Variants in RAB4A observed in about 807,000 individuals in gnomAD.
RAB4A encodes RAB4A, member RAS oncogene family.
Under a neutral mutation model 34.5 loss-of-function variants are expected in RAB4A, and 20 were observed. That is an observed-to-expected ratio of 0.58 (90% CI 0.41 to 0.84). RAB4A has a LOEUF of 0.84. RAB4A is among the 40% of genes least tolerant of loss of function. RAB4A has a pLI of 0.00. For missense variants in RAB4A, 228 were observed against 274.5 expected (o/e 0.83, Z 1.20); for synonymous variants, 102 against 100.0 (o/e 1.02, Z -0.12).
chr1:229,293,586 G>A (rs183580002), intron 3 of RAB4A, among the ~76,000 whole-genome samples: 1 of 152,346 alleles, frequency 6.6e-6, no homozygotes, highest in East Asian at 1.9e-4. Context: ...TGTCTAGCTA[G>A]CAGTGGTCCA....
chr1:229,282,750 T>G (rs904737275), intron 1 of RAB4A, among the ~76,000 whole-genome samples: 1 of 152,244 alleles, frequency 6.6e-6, no homozygotes, highest in East Asian at 1.9e-4. Context: ...GGTAGTTTTA[T>G]TTTTCAGTTT....
At chr1:229,293,887 G>A (rs10916461) in intron 3 of RAB4A, among the ~76,000 whole-genome samples, 29,126 of 152,066 alleles carry the variant, frequency 0.19, 2,804 homozygotes, top group African/African-American at 0.21. Flanking sequence ...AGAGAATGGG[G>A]CCAAAGGGAC....
Position 229,274,556 on chromosome 1 carries a change from C to A in RAB4A, c.31+3186C>A, listed in dbSNP as rs557501397. On this transcript the variant is annotated intron_variant, in intron 1 of 7. Coordinates refer to ENST00000366690, the MANE Select transcript of RAB4A (RefSeq NM_004578.4). The stretch of plus-strand genomic sequence containing the variant: ...TTGAAATCTTAGGTTTTGGATGAAA[C>A]CCTTAGTCTGAATATGAAACAGTTC... Among the ~76,000 whole-genome samples, 3 of 152,204 alleles carry A rather than the reference C, an allele frequency of 2.0e-5. No individual in the cohort carries two copies. In the South Asian group the frequency reaches 6.2e-4, roughly 32 times the overall value.
At chr1:229,292,869 C>T (rs997149463) in intron 3 of RAB4A, among the ~76,000 whole-genome samples, 3 of 152,162 alleles carry the variant, frequency 2.0e-5, no homozygotes, top group South Asian at 2.1e-4. Context: ...TCCAACACTT[C>T]AATTCACTTT....
At chr1:229,286,463 C>T in intron 1 of RAB4A, 23 bp from the exon 2 acceptor site, 1 of 1,425,920 alleles carries the variant, frequency 7.0e-7, no homozygotes, top group Non-Finnish European at 9.7e-7. Context: ...AAGTTATTTT[C>T]ACAGTCTCTT....
chr1:229,274,285 G>A (rs1288602105), intron 1 of RAB4A, among the ~76,000 whole-genome samples: 2 of 149,984 alleles, frequency 1.3e-5, no homozygotes, highest in Non-Finnish European at 3.0e-5. Context: ...GTCTCATCCC[G>A]AACTCCTGGG....
chr1:229,293,427 T>C (rs1657147664), intron 3 of RAB4A, among the ~76,000 whole-genome samples: 1 of 152,258 alleles, frequency 6.6e-6, no homozygotes, highest in African/African-American at 2.4e-5. Context: ...TCTAGCCTGC[T>C]ACTCTTCCCA....
intron 1 of RAB4A, among the ~76,000 whole-genome samples, chr1:229,277,401 C>G (rs1656678880): frequency 6.6e-6 from 1 of 151,232 alleles, no homozygotes. Flanking sequence ...TCCCGCTCCT[C>G]TACAGGTCGT....
chr1:229,285,582 G>A (rs989971181), intron 1 of RAB4A, among the ~76,000 whole-genome samples: 2 of 152,132 alleles, frequency 1.3e-5, no homozygotes, highest in African/African-American at 4.8e-5. Flanking sequence ...ACAGAGCAGA[G>A]CCTTTGAGGC....
intron 1 of RAB4A, among the ~76,000 whole-genome samples, chr1:229,276,623 ATAAAGT>A (rs149036133): frequency 0.02 from 3,079 of 151,518 alleles, 70 homozygotes; most frequent in Middle Eastern, 0.034. Flanking sequence ...TGCCTAGAAG[ATAAAGT>A]TAGAGTCCAT....
At chr1:229,297,326 A>G (rs1657276426) in intron 4 of RAB4A, among the ~76,000 whole-genome samples, 156 bp from the exon 5 acceptor site, 1 of 152,256 alleles carries the variant, frequency 6.6e-6, no homozygotes, top group Non-Finnish European at 1.5e-5. Flanking sequence ...TGGGTATGGT[A>G]TATACTTGGT....
At chr1:229,291,041 A>G (rs1348517338) in intron 3 of RAB4A, among the ~76,000 whole-genome samples, 1 of 152,202 alleles carries the variant, frequency 6.6e-6, no homozygotes, top group Non-Finnish European at 1.5e-5. Context: ...AAAGGTTCCA[A>G]GAGGGAAAAA....
intron 3 of RAB4A, among the ~76,000 whole-genome samples, chr1:229,294,250 G>A (rs1027457987): frequency 2.6e-5 from 4 of 152,194 alleles, no homozygotes; most frequent in African/African-American, 7.2e-5. Context: ...CTGAGCTGGA[G>A]ACAAAATTTG....
intron 1 of RAB4A, among the ~76,000 whole-genome samples, chr1:229,277,179 A>G (rs1656673830): frequency 6.6e-6 from 1 of 150,678 alleles, no homozygotes; most frequent in South Asian, 2.1e-4. Context: ...GTGTGATCCC[A>G]ACGAATGGGT....
intron 1 of RAB4A, among the ~76,000 whole-genome samples, chr1:229,275,298 A>G (rs762197876): frequency 6.6e-6 from 1 of 152,162 alleles, no homozygotes; most frequent in Non-Finnish European, 1.5e-5. Flanking sequence ...GGATGCATCT[A>G]CCAGCCAAGG....
intron 5 of RAB4A, among the ~76,000 whole-genome samples, chr1:229,298,561 A>G (rs922374968): frequency 1.1e-4 from 17 of 152,242 alleles, no homozygotes; most frequent in African/African-American, 2.2e-4. Context: ...ACAGATTGCA[A>G]TATAGTCCCC....
At chr1:229,281,365 T>C (rs1035295413) in intron 1 of RAB4A, among the ~76,000 whole-genome samples, 5 of 152,296 alleles carry the variant, frequency 3.3e-5, no homozygotes, top group Admixed American at 6.5e-5. Flanking sequence ...TTTACCCTTA[T>C]GTATTAATAG....
At chr1:229,299,855 C>T (rs754439004) in intron 6 of RAB4A, among the ~76,000 whole-genome samples, 1 of 151,960 alleles carries the variant, frequency 6.6e-6, no homozygotes, top group South Asian at 2.1e-4. Flanking sequence ...CTCAGGGTAA[C>T]GTGAAGAAGG....
rs1288652450 is a variant in RAB4A, at chr1:229,305,551, G to A, written c.*1758G>A. The A allele has an allele frequency of 1.3e-5, 4 of 314,310 alleles. No homozygotes were observed. Among genetic ancestry groups the A allele is most frequent in the Non-Finnish European group, 1.8e-5 (3 of 169,136 alleles). 19.5% of individuals were successfully genotyped at this position (314,310 alleles called of 1,614,324 possible). A position where few individuals can be genotyped will look rare whatever the true frequency, so the allele number is the denominator to read the frequency against. The stretch of plus-strand genomic sequence containing the variant: ...CTTTGCCTTTAGGGAGAATGAGGAG[G>A]AGAGATAATTGGGTATTGTTCAGGC... On this transcript the variant is annotated 3_prime_UTR_variant, in exon 8 of 8. Transcript: ENST00000366690.
Sources: gnomAD v4.1 joint callset for allele counts (sites outside exome capture counted in the v4.1 genomes callset) on GRCh38, gnomAD v4.1.1 for gene constraint, MANE v1.5 for transcripts, NCBI Gene and HGNC (gene_info 2026-07-23, HGNC 2026-07-21) for gene names.